STAG1: variants seen among roughly 807,000 people sequenced by gnomAD.
STAG1 encodes the protein cohesin subunit SA-1.
In STAG1, 26 loss-of-function variants were observed where a neutral mutation model predicts 170.9. The observed-to-expected ratio is 0.15, with a 90% CI of 0.11 to 0.21. The LOEUF is 0.21. Ranked by LOEUF, STAG1 falls within the 10% of genes least tolerant of loss-of-function variation. The pLI is 1.00. For missense variants in STAG1, 964 were observed against 1,509.5 expected, an observed-to-expected ratio of 0.64 and a Z score of 5.99; for synonymous variants, 514 against 497.7, an observed-to-expected ratio of 1.03 and a Z score of -0.44.
chr3:136,739,864 CAT>C (rs1242708014), intron 1 of STAG1, among the ~76,000 whole-genome samples: 2 of 151,950 alleles, frequency 1.3e-5, no homozygotes, highest in Admixed American at 6.6e-5. Flanking sequence ...CACACACACA[CAT>C]ACACACATAT....
intron 1 of STAG1, among the ~76,000 whole-genome samples, chr3:136,685,270 C>T (rs1422545554): frequency 6.6e-6 from 1 of 152,070 alleles, no homozygotes; most frequent in African/African-American, 2.4e-5. Flanking sequence ...AATCCAAGAT[C>T]GCACCATTGC....
intron 1 of STAG1, among the ~76,000 whole-genome samples, chr3:136,660,812 AT>A (rs1941552904): frequency 6.6e-6 from 1 of 152,038 alleles, no homozygotes; most frequent in Non-Finnish European, 1.5e-5. Context: ...TAAAAAAAAA[AT>A]AAAAAATTAG....
chr3:136,524,163 T>G (rs965969977), intron 6 of STAG1, among the ~76,000 whole-genome samples: 10 of 152,308 alleles, frequency 6.6e-5, no homozygotes, highest in Admixed American at 5.9e-4. Flanking sequence ...GGGATGGCAT[T>G]CAATCTATAA....
rs57934830 is a variant in STAG1 at position 136,377,386 on chromosome 3, C to CAAAAAAAAAAAAAAA, written c.2370+259_2370+273dup. On this transcript the variant is annotated intron_variant, in intron 23 of 33. Coordinates refer to ENST00000383202, the MANE Select transcript of STAG1 (RefSeq NM_005862.3). ...TGGGCGACAGAGCGAGACTCTGTCT[C>CAAAAAAAAAAAAAAA]AAAAAAAAAAAAAAAAAAAGTCTAC... Among the ~76,000 whole-genome samples, 376 of 42,556 alleles carry CAAAAAAAAAAAAAAA rather than the reference C, an allele frequency of 8.8e-3. 105 individuals carry two copies. Among genetic ancestry groups the CAAAAAAAAAAAAAAA allele is most frequent in the African/African-American group, 0.024 (196 of 8,120 alleles). 27.9% of individuals were successfully genotyped at this position (42,556 alleles called of 152,430 possible). A position where few individuals can be genotyped will look rare whatever the true frequency, so the allele number is the denominator to read the frequency against.
At chr3:136,674,126 GGAGGGAGGGAAGGAAGGAGGGAGGGAGA>G (rs1942057169) in intron 1 of STAG1, among the ~76,000 whole-genome samples, 1 of 114,780 alleles carries the variant, frequency 8.7e-6, no homozygotes, top group East Asian at 2.5e-4. Flanking sequence ...AGGGAGGGAG[GGAGGGAGGGAAGGAAGGAGGGAGGGAGA>G]GAGGGAGGGA....
chr3:136,661,283 CT>C (rs1194336446), intron 1 of STAG1, among the ~76,000 whole-genome samples: 1 of 152,156 alleles, frequency 6.6e-6, no homozygotes, highest in Admixed American at 6.5e-5. Context: ...ATATGAAAAT[CT>C]CACCCTTTAC....
In STAG1 at chr3:136,700,883, T is replaced by C. The variant is rs867997151; in HGVS notation, c.-84+51312A>G. On this transcript the variant is annotated intron_variant, in intron 1 of 33. Transcript: ENST00000383202. The stretch of plus-strand genomic sequence containing the variant: ...GTGTGCTCTATTTTTTTTCTTTTTT[T>C]TTTTTTTTTTTTTTTTGAGATGGAG... 1.7e-3 allele frequency among the ~76,000 whole-genome samples: 225 copies of C among 132,632 alleles called. 2 individuals carry two copies. The Middle Eastern group carries it at 0.034, about 20-fold the overall frequency. 87.0% of individuals were successfully genotyped at this position (132,632 alleles called of 152,430 possible).
At chr3:136,674,881 A>C (rs749993230) in intron 1 of STAG1, among the ~76,000 whole-genome samples, 11 of 152,208 alleles carry the variant, frequency 7.2e-5, no homozygotes, top group Admixed American at 6.5e-5. Context: ...AGCCCTGAAC[A>C]TGTAGAGTAG....
Position 136,437,493 on chromosome 3 carries a change from C to T in STAG1, c.1547-3834G>A, listed in dbSNP as rs532262391. 1.7e-3 allele frequency among the ~76,000 whole-genome samples: 253 copies of T among 152,298 alleles called. 1 individual carries two copies. Among genetic ancestry groups the T allele is most frequent in the African/African-American group, 5.6e-3 (234 of 41,552 alleles). On this transcript the variant is annotated intron_variant, in intron 15 of 33. Transcript: ENST00000383202. ...CTGTCATTTGAACTTCCTAACACAA[C>T]ATATAACTATACAAGTTTCTACACA...
intron 28 of STAG1, among the ~76,000 whole-genome samples, chr3:136,351,058 T>A (rs1015674400): frequency 6.6e-6 from 1 of 152,170 alleles, no homozygotes; most frequent in African/African-American, 2.4e-5. Flanking sequence ...CTTAAATATA[T>A]ATTATTTTTT....
chr3:136,449,419 A>C (rs2088874200), intron 14 of STAG1, among the ~76,000 whole-genome samples: 1 of 152,082 alleles, frequency 6.6e-6, no homozygotes, highest in Non-Finnish European at 1.5e-5. Context: ...AAATTAGCCA[A>C]GCATGGTGGT....
chr3:136,451,755 C>A (rs954519266), intron 14 of STAG1, among the ~76,000 whole-genome samples: 3 of 151,096 alleles, frequency 2.0e-5, no homozygotes, highest in African/African-American at 7.3e-5. Context: ...AGAGTGAGAC[C>A]CTGTCTCAAA....
chr3:136,699,101 C>A (rs1426163673), intron 1 of STAG1, among the ~76,000 whole-genome samples: 2 of 152,062 alleles, frequency 1.3e-5, no homozygotes, highest in African/African-American at 4.8e-5. Context: ...GGTTAAAAGC[C>A]TACATATTGG....
In STAG1 at chr3:136,357,782, C is replaced by T; in HGVS notation, c.3003G>A (p.Leu1001=). ...QKGQEYPPPN[L]AFLEVLSEFS... ...ATTCACTTAGTACTTCAAGAAAAGC[C>T]AGATTAGGAGGTGGATACTCTTGTC... Residue 1001 remains leucine (L), a synonymous_variant, in exon 28 of 34, where the codon CTG becomes CTA. Coordinates refer to ENST00000383202, the MANE Select transcript of STAG1 (RefSeq NM_005862.3). The T allele has an allele frequency of 1.2e-6, 2 of 1,606,704 alleles. No homozygotes were observed. Among genetic ancestry groups the T allele is most frequent in the Non-Finnish European group, 1.7e-6 (2 of 1,177,494 alleles).
intron 13 of STAG1, 88 bp downstream of exon 13, chr3:136,464,793 A>T: frequency 1.9e-6 from 2 of 1,054,432 alleles, no homozygotes; most frequent in Non-Finnish European, 2.8e-6. Flanking sequence ...CACTGTGTTC[A>T]GTCACTATTA....
intron 6 of STAG1, among the ~76,000 whole-genome samples, chr3:136,523,340 C>T (rs897031524): frequency 2.0e-5 from 3 of 152,024 alleles, no homozygotes; most frequent in Admixed American, 6.6e-5. Flanking sequence ...CATTTTTTCA[C>T]GTGTCTGTTG....
chr3:136,500,066 C>T (rs537361590), intron 9 of STAG1, 157 bp downstream of exon 9: 6 of 557,758 alleles, frequency 1.1e-5, no homozygotes, highest in East Asian at 9.9e-5. Context: ...CATACAATTT[C>T]TTCTATAGTT....
chr3:136,384,951 A>C (rs950058562), intron 22 of STAG1, among the ~76,000 whole-genome samples: 2 of 152,152 alleles, frequency 1.3e-5, no homozygotes, highest in African/African-American at 4.8e-5. Flanking sequence ...TACTTCCACA[A>C]ATCCCCTTTC....
chr3:136,747,769 A>C (rs899919515), intron 1 of STAG1, among the ~76,000 whole-genome samples: 1 of 151,666 alleles, frequency 6.6e-6, no homozygotes, highest in Admixed American at 6.6e-5. Flanking sequence ...AATGGCAAGA[A>C]TTACGTAATT....
Sources: gnomAD v4.1 joint callset for allele counts (sites outside exome capture counted in the v4.1 genomes callset) on GRCh38, gnomAD v4.1.1 for gene constraint, MANE v1.5 for transcripts, NCBI Gene and HGNC (gene_info 2026-07-23, HGNC 2026-07-21) for gene names.